The following ERBB4 variants were observed in gnomAD, a reference collection of about 807,000 sequenced individuals.
ERBB4 encodes receptor tyrosine-protein kinase erbB-4.
ERBB4 carries 42 observed loss-of-function variants against 158.0 expected under a neutral mutation model. That is an observed-to-expected ratio of 0.27 (90% CI 0.21 to 0.34). ERBB4 has a LOEUF of 0.34. Among genes scored for constraint, ERBB4 ranks in the 10% least tolerant of loss-of-function variants. The pLI, the probability that ERBB4 is intolerant of heterozygous loss-of-function variation, is 1.00. For missense variants in ERBB4, 1,333 were observed against 1,624.1 expected, an observed-to-expected ratio of 0.82 and a Z score of 3.08; for synonymous variants, 583 against 558.7, an observed-to-expected ratio of 1.04 and a Z score of -0.61.
chr2:211,576,996 C>T (rs529724230), intron 19 of ERBB4, among the ~76,000 whole-genome samples: 1 of 152,168 alleles, frequency 6.6e-6, no homozygotes, highest in Non-Finnish European at 1.5e-5. Context: ...AGTTGTGTGA[C>T]ATAAAGCAAG....
chr2:212,059,114 G>C (rs184326117), intron 2 of ERBB4, among the ~76,000 whole-genome samples: 136 of 152,014 alleles, frequency 8.9e-4, no homozygotes, highest in Admixed American at 2.0e-3. Flanking sequence ...AAAATCAATG[G>C]GCAAAAATCA....
chr2:211,957,058 C>T (rs902687511), intron 2 of ERBB4, among the ~76,000 whole-genome samples: 1 of 151,858 alleles, frequency 6.6e-6, no homozygotes, highest in East Asian at 1.9e-4. Flanking sequence ...TTGAACTCCT[C>T]GCCTCAAGCA....
At chr2:211,759,210 C>T (rs1471563304) in intron 4 of ERBB4, among the ~76,000 whole-genome samples, 2 of 152,118 alleles carry the variant, frequency 1.3e-5, no homozygotes, top group African/African-American at 4.8e-5. Flanking sequence ...TGTCTAGTAT[C>T]CAATCATTTC....
At chr2:211,423,671 C>G (rs1478659239) in intron 23 of ERBB4, among the ~76,000 whole-genome samples, 1 of 151,906 alleles carries the variant, frequency 6.6e-6, no homozygotes, top group Non-Finnish European at 1.5e-5. Context: ...CACTTCCCAC[C>G]TTGTCCTGCT....
chr2:212,194,193 T>G (rs1011452213), intron 1 of ERBB4, among the ~76,000 whole-genome samples: 1 of 151,504 alleles, frequency 6.6e-6, no homozygotes, highest in Non-Finnish European at 1.5e-5. Flanking sequence ...ACGGACAGAA[T>G]AGAACAAAGG....
rs1553530863 is a variant in ERBB4, at chr2:211,997,909, T to TCA, written c.235-50295_235-50294dup. ...GAGATTATTTTTATACACACACACATCACACACACACACACACACACACAA... is the reference window on the plus strand; with the variant it reads ...GAGATTATTTTTATACACACACACATCACACACACACACACACACACACACAA... On this transcript the variant is annotated intron_variant, in intron 2 of 27. Transcript: ENST00000342788. Among the ~76,000 whole-genome samples the TCA allele has an allele frequency of 9.8e-3, 1,482 of 150,536 alleles. 25 individuals are homozygous for TCA. The highest frequency in any genetic ancestry group is 0.031 in the African/African-American group (1,262 of 40,930).
chr2:211,619,376 TTTA>T (rs1220569588), intron 18 of ERBB4, 101 bp from the exon 19 acceptor site: 8 of 721,554 alleles, frequency 1.1e-5, no homozygotes, highest in Admixed American at 4.3e-5. Context: ...TCAACAAATG[TTTA>T]TTTAGCACCT....
At chr2:211,613,533 A>G (rs1448883700) in intron 19 of ERBB4, among the ~76,000 whole-genome samples, 1 of 152,036 alleles carries the variant, frequency 6.6e-6, no homozygotes, top group Non-Finnish European at 1.5e-5. Flanking sequence ...GGGTTTAATA[A>G]CCAGAATATA....
intron 3 of ERBB4, among the ~76,000 whole-genome samples, chr2:211,862,269 C>A (rs1293732800): frequency 2.0e-5 from 3 of 152,064 alleles, no homozygotes; most frequent in Non-Finnish European, 2.9e-5. Context: ...AACAAGTTTA[C>A]AATAATTGTA....
At chr2:211,516,079 T>G (rs2125627809) in intron 20 of ERBB4, among the ~76,000 whole-genome samples, 1 of 150,228 alleles carries the variant, frequency 6.7e-6, no homozygotes, top group East Asian at 2.0e-4. Context: ...CACGCCTAGC[T>G]AATTTTTTGT....
intron 1 of ERBB4, chr2:212,426,381 A>T (rs2091913141): frequency 2.4e-6 from 1 of 425,526 alleles, no homozygotes; most frequent in African/African-American, 2.2e-5. Flanking sequence ...GGTTATACAA[A>T]TTAGATCTCT....
chr2:211,808,092 T>C (rs555165425), intron 3 of ERBB4, among the ~76,000 whole-genome samples: 127 of 152,366 alleles, frequency 8.3e-4, no homozygotes, highest in African/African-American at 2.9e-3. Context: ...TTCACTCTGA[T>C]GGTAGTTTCT....
intron 1 of ERBB4, among the ~76,000 whole-genome samples, chr2:212,134,381 C>A (rs753675149): frequency 2.0e-5 from 3 of 151,646 alleles, no homozygotes; most frequent in Non-Finnish European, 4.4e-5. Flanking sequence ...TTTAAAATAT[C>A]TTTATCAGAT....
chr2:212,120,607 A>C (rs1230633408), intron 2 of ERBB4, among the ~76,000 whole-genome samples: 1 of 152,204 alleles, frequency 6.6e-6, no homozygotes, highest in African/African-American at 2.4e-5. Context: ...ATACAAAATA[A>C]AACAAATGCC....
chr2:212,253,500 A>G (rs1189646608), intron 1 of ERBB4, among the ~76,000 whole-genome samples: 1 of 152,022 alleles, frequency 6.6e-6, no homozygotes, highest in East Asian at 1.9e-4. Context: ...TCAGAATTTC[A>G]TGTTCATAGG....
chr2:211,713,612 G>A lies in ERBB4; in HGVS notation c.920C>T (p.Ala307Val), dbSNP rs751110565. Reference sequence around the variant, plus strand: ...TACTTCCATCTTGGAACTAGGGCAGGCACGCACACAAGAACTGGAATCTAC... The same window carrying A: ...TACTTCCATCTTGGAACTAGGGCAGACACGCACACAAGAACTGGAATCTAC... ...FVVDSSSCVR[A>V]CPSSKMEVEE... Residue 307 changes from alanine (A) to valine (V), a missense_variant, in exon 8 of 28, where the codon GCC (alanine) becomes GTC (valine). Ala to Val is a moderately conservative substitution (Grantham distance 64). Coordinates refer to ENST00000342788, the MANE Select transcript of ERBB4 (RefSeq NM_005235.3). The A allele has an allele frequency of 4.3e-6, 7 of 1,610,172 alleles. No individual in the cohort carries two copies. The highest frequency in any genetic ancestry group is 5.9e-6 in the Non-Finnish European group (7 of 1,177,956).
intron 20 of ERBB4, among the ~76,000 whole-genome samples, chr2:211,559,088 T>C (rs2067315528): frequency 6.6e-6 from 1 of 152,154 alleles, no homozygotes; most frequent in African/African-American, 2.4e-5. Context: ...TTCCTACAAA[T>C]GTTCATCCCC....
intron 3 of ERBB4, among the ~76,000 whole-genome samples, chr2:211,832,566 GTA>G (rs1337454311): frequency 7.1e-6 from 1 of 141,160 alleles, no homozygotes; most frequent in Non-Finnish European, 1.6e-5. Flanking sequence ...ATAAATATAT[GTA>G]TGTGTGTGTG....
At chr2:211,719,747 C>T (rs965540098) in intron 7 of ERBB4, among the ~76,000 whole-genome samples, 15 of 150,940 alleles carry the variant, frequency 9.9e-5, no homozygotes, top group African/African-American at 2.9e-4. Context: ...CCCAGCTACT[C>T]GGGAGGCTAA....
Sources: gnomAD v4.1 joint callset for allele counts (sites outside exome capture counted in the v4.1 genomes callset) on GRCh38, gnomAD v4.1.1 for gene constraint, MANE v1.5 for transcripts, NCBI Gene and HGNC (gene_info 2026-07-23, HGNC 2026-07-21) for gene names.